SCNN1D: variants seen among roughly 807,000 people sequenced by gnomAD.
SCNN1D encodes epithelial sodium channel subunit delta.
In SCNN1D, 104 loss-of-function variants were observed where a neutral mutation model predicts 87.8. That is an observed-to-expected ratio of 1.18 (90% CI 1.01 to 1.39). The LOEUF (loss-of-function observed/expected upper bound fraction) is 1.39, where lower values mean the gene tolerates loss of function less well. SCNN1D is among the 40% of genes most tolerant of loss of function. The pLI is 0.00. For missense variants in SCNN1D, 1,324 were observed against 1,093.9 expected (o/e 1.21, Z -2.97); for synonymous variants, 628 against 481.2 (o/e 1.31, Z -3.99).
At chr1:1,290,996 TC>T (rs1640792763) in intron 16 of SCNN1D, 43 bp downstream of exon 16, 1 of 1,569,562 alleles carries the variant, frequency 6.4e-7, no homozygotes, top group Non-Finnish European at 8.7e-7. Context: ...ACAGCCCCTC[TC>T]CCCTCAAAGC....
At chr1:1,280,845 G>A (rs1166940539) in intron 1 of SCNN1D, 179 bp downstream of exon 1, 20 of 585,304 alleles carry the variant, frequency 3.4e-5, no homozygotes, top group Non-Finnish European at 3.4e-5. Flanking sequence ...AGGGGACACC[G>A]GCCAGACCCC....
chr1:1,289,720 C>T (rs1402185796), intron 12 of SCNN1D, among the ~76,000 whole-genome samples: 1 of 2,870 alleles, frequency 3.5e-4, no homozygotes, highest in Admixed American at 3.4e-3. Context: ...CGTGTCCCTG[C>T]TCCGTCCCCC....
intron 16 of SCNN1D, 39 bp downstream of exon 16, chr1:1,290,992 C>T (rs1022370600): frequency 1.9e-6 from 3 of 1,589,998 alleles, no homozygotes; most frequent in South Asian, 2.3e-5. Context: ...CATCACAGCC[C>T]CTCTCCCCTC....
At chr1:1,281,022 C>T in intron 1 of SCNN1D, 1 of 604,980 alleles carries the variant, frequency 1.7e-6, no homozygotes, top group Non-Finnish European at 2.9e-6. Flanking sequence ...TGCAGGACCC[C>T]AGAGGGACCC....
rs993425155 is a variant in SCNN1D at position 1,281,489 on chromosome 1, C to T, written c.156C>T (p.Thr52=). ...GTTCGCCCCACCCCACCCCCTGCAC[C>T]GGGCCAGCGAGGGGATGGCCCAGAA... is the stretch of plus-strand genomic sequence containing the variant. ...ELGSPHPTPC[T]GPARGWPRRG... The change falls in exon 3 of 18, where the codon ACC becomes ACT. Residue 52 remains threonine (T), a synonymous_variant. Transcript: ENST00000379116. The T allele has an allele frequency of 1.4e-5, 22 of 1,527,652 alleles. No homozygotes were observed. The highest frequency in any genetic ancestry group is 4.0e-5 in the Admixed American group (2 of 50,256). 94.6% of individuals were successfully genotyped at this position (1,527,652 alleles called of 1,614,324 possible).
chr1:1,291,670 A>T lies in SCNN1D; in HGVS notation c.*60A>T. 1 of 1,342,788 alleles carries T rather than the reference A, an allele frequency of 7.4e-7. No homozygotes were observed. Among genetic ancestry groups the T allele is most frequent in the Non-Finnish European group, 1.0e-6 (1 of 997,458 alleles). 83.2% of individuals were successfully genotyped at this position (1,342,788 alleles called of 1,614,324 possible). On this transcript the variant is annotated 3_prime_UTR_variant, in exon 18 of 18. Coordinates refer to ENST00000379116, the MANE Select transcript of SCNN1D (RefSeq NM_001130413.4). ...TGGTCCTTGCAGCTGTGGCAGCAGC[A>T]GGCTCCCCAGCGGCCCAGGGTGGGC...
In SCNN1D at chr1:1,290,966, T is replaced by G; in HGVS notation, c.1976+13T>G. 1 of 1,600,614 alleles carries G rather than the reference T, an allele frequency of 6.2e-7. No individual in the cohort carries two copies. Among genetic ancestry groups the G allele is most frequent in the Non-Finnish European group, 8.5e-7 (1 of 1,173,330 alleles). ...GCCACAGACAGAGGTGGGTGCACCC[T>G]CCCCCTCCAGAGAGGCATCACAGCC... On this transcript the variant is annotated intron_variant, in intron 16 of 17. Coordinates refer to ENST00000379116, the MANE Select transcript of SCNN1D (RefSeq NM_001130413.4).
Position 1,291,234 on chromosome 1 carries a change from C to T in SCNN1D, c.2053-20C>T, listed in dbSNP as rs1285926972. The T allele has an allele frequency of 6.4e-7, 1 of 1,561,692 alleles. No individual in the cohort carries two copies. The highest frequency in any genetic ancestry group is 1.4e-5 in the African/African-American group (1 of 73,450). ...CACGGGGGCCTGGGCCCGCCCCTCA[C>T]ACCCGCACCCCACCCGCAGGTGCCG... On this transcript the variant is annotated intron_variant, in intron 17 of 17. Transcript: ENST00000379116.
At chr1:1,288,237 T>TCCCCCGTGTCTCTGCCCCGTCC (rs772579737) in intron 12 of SCNN1D, among the ~76,000 whole-genome samples, 200 bp downstream of exon 12, 29 of 111,306 alleles carry the variant, frequency 2.6e-4, no homozygotes, top group African/African-American at 9.4e-4. Flanking sequence ...CTCTGCTCCG[T>TCCCCCGTGTCTCTGCCCCGTCC]CCCGTGTCTC....
chr1:1,288,542 C>T (rs1279000328), intron 12 of SCNN1D, among the ~76,000 whole-genome samples: 17 of 55,960 alleles, frequency 3.0e-4, no homozygotes, highest in South Asian at 7.7e-4. Flanking sequence ...CGTGTCTCTG[C>T]TCCGTCCCCC....
intron 12 of SCNN1D, among the ~76,000 whole-genome samples, 179 bp downstream of exon 12, chr1:1,288,216 CCGTCCCGTGTCTCTGCT>C (rs1640656354): frequency 2.1e-5 from 3 of 145,306 alleles, no homozygotes; most frequent in South Asian, 4.5e-4. Context: ...TGTCTCTGCT[CCGTCCCGTGTCTCTGCT>C]CCGTCCCGTG....
rs1386669494 is a variant in SCNN1D, at chr1:1,291,952, C to A, written c.*342C>A. On this transcript the variant is annotated 3_prime_UTR_variant, in exon 18 of 18. Transcript: ENST00000379116. ...CGTGTGTCAAGCCTAGCCACCTCAGCTGCAGGGAGGCAGAAGGCAAGGCAG... is the reference window on the plus strand; with the variant it reads ...CGTGTGTCAAGCCTAGCCACCTCAGATGCAGGGAGGCAGAAGGCAAGGCAG... 9.3e-6 allele frequency: 2 copies of A among 214,690 alleles called. No homozygotes were observed. Among genetic ancestry groups the A allele is most frequent in the African/African-American group, 2.3e-5 (1 of 43,782 alleles). 13.3% of individuals were successfully genotyped at this position (214,690 alleles called of 1,614,324 possible). A position where few individuals can be genotyped will look rare whatever the true frequency, so the allele number is the denominator to read the frequency against.
chr1:1,290,548 C>T lies in SCNN1D; in HGVS notation c.1852C>T (p.Pro618Ser). The T allele has an allele frequency of 1.2e-6, 2 of 1,612,686 alleles. No individual in the cohort carries two copies. Among genetic ancestry groups the T allele is most frequent in the South Asian group, 1.1e-5 (1 of 91,092 alleles). The change falls in exon 14 of 18, where the codon CCC (proline) becomes TCC (serine). Residue 618 changes from proline to serine, a missense_variant. Pro to Ser is a moderately conservative substitution (Grantham distance 74, BLOSUM62 -1). Coordinates refer to ENST00000379116, the MANE Select transcript of SCNN1D (RefSeq NM_001130413.4). Reference sequence around the variant, plus strand: ...CCCCTGTACCTCCCGCTGCCCCAGGCCCTGCAGGTGAGACGGGGGTGTTGG... The same window carrying T: ...CCCCTGTACCTCCCGCTGCCCCAGGTCCTGCAGGTGAGACGGGGGTGTTGG... ...RLPCTSRCPR[P>S]CRESAFKLST...
In SCNN1D at chr1:1,287,282, C is replaced by T. The variant is rs980012703; in HGVS notation, c.1293C>T (p.Gly431=). The T allele has an allele frequency of 1.3e-6, 2 of 1,598,818 alleles. No individual in the cohort carries two copies. Among genetic ancestry groups the T allele is most frequent in the Non-Finnish European group, 1.7e-6 (2 of 1,171,192 alleles). The change falls in exon 9 of 18, where the codon GGC becomes GGT. Residue 431 remains glycine (G), a synonymous_variant. Coordinates refer to ENST00000379116, the MANE Select transcript of SCNN1D (RefSeq NM_001130413.4). The part of the protein sequence containing the change: ...GHFVLSCSYD[G]LDCQARQFRT... ...TCGTCCTCTCCTGCAGTTACGATGG[C>T]CTGGACTGCCAGGCCCGGTGAGTGT...
chr1:1,283,345 A>G (rs1317589864), intron 4 of SCNN1D, among the ~76,000 whole-genome samples: 1 of 152,094 alleles, frequency 6.6e-6, no homozygotes, highest in Non-Finnish European at 1.5e-5. Context: ...CAGGGAAGGG[A>G]GGGAGTGCTG....
chr1:1,282,184 A>G, intron 3 of SCNN1D, 58 bp from the exon 4 acceptor site: 1 of 1,002,178 alleles, frequency 1.0e-6, no homozygotes, highest in South Asian at 1.4e-5. Context: ...ATCAGCTCAG[A>G]GAGGTTGAGT....
rs910556 is a variant in SCNN1D at position 1,287,315 on chromosome 1, G to C, written c.1310+16G>C. ...GCCAGGCCCGGTGAGTGTGGCGGGC[G>C]GGGGCCACTCCTTCCGTCCCACCCC... On this transcript the variant is annotated intron_variant, in intron 9 of 17. Coordinates refer to ENST00000379116, the MANE Select transcript of SCNN1D (RefSeq NM_001130413.4). 0.095 allele frequency: 148,558 copies of C among 1,557,352 alleles called. 23,209 individuals carry two copies. The highest frequency in any genetic ancestry group is 0.63 in the East Asian group (27,090 of 43,250).
intron 12 of SCNN1D, among the ~76,000 whole-genome samples, chr1:1,288,528 G>A (rs1275496708): frequency 1.5e-5 from 1 of 65,300 alleles, no homozygotes; most frequent in African/African-American, 8.8e-5. Flanking sequence ...TCCCTGCTCC[G>A]TCCCGTGTCT....
chr1:1,288,587 T>TCC (rs1553160099), intron 12 of SCNN1D, among the ~76,000 whole-genome samples: 1 of 25,376 alleles, frequency 3.9e-5, no homozygotes, highest in African/African-American at 1.7e-4. Context: ...CTCTGCTCCG[T>TCC]CCCGTGTCTC....
Sources: gnomAD v4.1 joint callset for allele counts (sites outside exome capture counted in the v4.1 genomes callset) on GRCh38, gnomAD v4.1.1 for gene constraint, MANE v1.5 for transcripts, NCBI Gene and HGNC (gene_info 2026-07-23, HGNC 2026-07-21) for gene names.